RIF1: variants seen among roughly 807,000 people sequenced by gnomAD.
The protein encoded by RIF1 is telomere-associated protein RIF1.
In RIF1, 45 loss-of-function variants were observed where a neutral mutation model predicts 247.1. The ratio of observed to expected loss-of-function variants is 0.18; its 90% CI spans 0.14 to 0.23. RIF1 has a LOEUF of 0.23. Ranked by LOEUF, RIF1 falls within the 10% of genes least tolerant of loss-of-function variation. The pLI, the probability that RIF1 is intolerant of heterozygous loss-of-function variation, is 1.00. For synonymous variants in RIF1, 1,087 were observed against 978.8 expected (o/e 1.11, Z -2.06); for missense variants, 2,967 against 2,862.5 (o/e 1.04, Z -0.83).
Position 151,440,101 on chromosome 2 carries a change from G to A in RIF1, c.1621G>A (p.Glu541Lys), listed in dbSNP as rs999037117. The change falls in exon 15 of 36, where the codon GAA (glutamate) becomes AAA (lysine). Residue 541 changes from glutamate (E) to lysine (K), a missense_variant. Transcript: ENST00000444746. ...LKSLESIVKS[E>K]VFPVSKTLVL... ...GTCTTTGGAAAGCATAGTAAAGTCT[G>A]AAGTATTTCCTGTATCAAAAACGCT... 2.5e-6 allele frequency: 4 copies of A among 1,587,862 alleles called. No homozygotes were observed. The highest frequency in any genetic ancestry group is 1.4e-5 in the African/African-American group (1 of 73,858).
chr2:151,458,468 G>C (rs1014732274), intron 24 of RIF1, among the ~76,000 whole-genome samples: 2 of 151,798 alleles, frequency 1.3e-5, no homozygotes, highest in Non-Finnish European at 1.5e-5. Flanking sequence ...TCCTGACCTC[G>C]TTATCTGCGT....
At chr2:151,429,263 C>T (rs1689635530) in intron 9 of RIF1, among the ~76,000 whole-genome samples, 1 of 152,106 alleles carries the variant, frequency 6.6e-6, no homozygotes, top group Admixed American at 6.6e-5. Flanking sequence ...TCACTGCGAC[C>T]CCCGCCTCCC....
At chr2:151,428,056 A>G (rs1689433835) in intron 8 of RIF1, among the ~76,000 whole-genome samples, 1 of 147,478 alleles carries the variant, frequency 6.8e-6, no homozygotes, top group Non-Finnish European at 1.5e-5. Flanking sequence ...ACTCCATCTC[A>G]AACAAAACAA....
Position 151,478,525 on chromosome 2 carries a change from T to C in RIF1, c.*3454T>C, listed in dbSNP as rs918755476. ...TAACATTGCCCATGGATTTTTTTTT[T>C]TCTGTACAGCTTGAAGATAAGATAG... is the stretch of plus-strand genomic sequence containing the variant. On this transcript the variant is annotated 3_prime_UTR_variant, in exon 36 of 36. Transcript: ENST00000444746. 11 of 152,118 alleles carry C rather than the reference T, an allele frequency of 7.2e-5. No homozygotes were observed. Among genetic ancestry groups the C allele is most frequent in the Non-Finnish European group, 1.5e-4 (10 of 68,038 alleles). The allele number at this position is 152,118 out of a possible 1,614,324, so 9.4% of individuals were successfully genotyped here.
chr2:151,422,652 A>C (rs1048680665), intron 7 of RIF1, among the ~76,000 whole-genome samples: 1 of 151,894 alleles, frequency 6.6e-6, no homozygotes, highest in Non-Finnish European at 1.5e-5. Context: ...GGCGTCTGCC[A>C]CCATGCCCAG....
At chr2:151,450,741 G>A (rs1210645828) in intron 20 of RIF1, among the ~76,000 whole-genome samples, 2 of 151,944 alleles carry the variant, frequency 1.3e-5, no homozygotes, top group African/African-American at 4.8e-5. Context: ...TCACCACCAC[G>A]CCTGGCTAAT....
intron 23 of RIF1, 50 bp downstream of exon 23, chr2:151,456,670 A>AT: frequency 9.4e-7 from 1 of 1,060,528 alleles, no homozygotes; most frequent in East Asian, 2.5e-5. Context: ...TGAGAAAATG[A>AT]TAGAGTTTAG....
chr2:151,415,731 G>T (rs1317323361), intron 4 of RIF1, among the ~76,000 whole-genome samples: 1 of 151,882 alleles, frequency 6.6e-6, no homozygotes, highest in Non-Finnish European at 1.5e-5. Flanking sequence ...AAAAAAATTA[G>T]CTGGGTGTGG....
At chr2:151,518,888 G>A in the RIF1 span, 2 of 894,160 alleles carry the variant, frequency 2.2e-6, no homozygotes, top group African/African-American at 3.3e-5. Flanking sequence ...CAGAGAAGAA[G>A]ATGCATCTGG....
intron 4 of RIF1, 51 bp downstream of exon 4, chr2:151,414,970 T>C: frequency 8.5e-7 from 1 of 1,182,382 alleles, no homozygotes. Context: ...AGTATAAGTT[T>C]TAAGTATAAG....
chr2:151,472,516 A>G (rs1180813748), intron 34 of RIF1, among the ~76,000 whole-genome samples: 1 of 152,156 alleles, frequency 6.6e-6, no homozygotes, highest in Non-Finnish European at 1.5e-5. Context: ...TTTGTCATAA[A>G]TAGCTCTTAT....
chr2:151,492,612 C>T (rs1344411338), intron 9 of RIF1: 28 of 619,488 alleles, frequency 4.5e-5, no homozygotes, highest in Non-Finnish European at 6.8e-5. Context: ...ACTGAAGGGG[C>T]CCAGTGAGAC....
chr2:151,469,485 C>G (rs1479330237), intron 33 of RIF1, among the ~76,000 whole-genome samples: 1 of 152,088 alleles, frequency 6.6e-6, no homozygotes, highest in African/African-American at 2.4e-5. Context: ...TGTAGAAGCA[C>G]AAGGCACGCA....
intron 12 of RIF1, chr2:151,505,851 C>T (rs936039566): frequency 1.9e-6 from 1 of 531,984 alleles, no homozygotes; most frequent in East Asian, 3.2e-5. Context: ...TGTCTTTATG[C>T]CCAGCAGGTC....
In RIF1 at chr2:151,480,147, G is replaced by T. The variant is rs535957246; in HGVS notation, c.*5076G>T. 15 of 152,238 alleles carry T rather than the reference G, an allele frequency of 9.9e-5. No individual in the cohort carries two copies. The highest frequency in any genetic ancestry group is 3.6e-4 in the African/African-American group (15 of 41,562). 9.4% of individuals were successfully genotyped at this position (152,238 alleles called of 1,614,324 possible). A position where few individuals can be genotyped will look rare whatever the true frequency, so the allele number is the denominator to read the frequency against. ...AAAACCAAATGTGTTATGGTAAGCT[G>T]TAAATACCGTTGGAATAAAAGATAA... On this transcript the variant is annotated 3_prime_UTR_variant, in exon 36 of 36. Transcript: ENST00000444746.
chr2:151,489,190 A>G (rs1408010915), intron 9 of RIF1, among the ~76,000 whole-genome samples: 4 of 152,196 alleles, frequency 2.6e-5, no homozygotes, highest in African/African-American at 9.7e-5. Context: ...TCATTTAATA[A>G]AGACAGTTGT....
intron 20 of RIF1, among the ~76,000 whole-genome samples, chr2:151,449,103 T>A (rs995371762): frequency 1.3e-5 from 2 of 152,216 alleles, no homozygotes; most frequent in African/African-American, 4.8e-5. Flanking sequence ...TTATTGTTTT[T>A]AAGCTGTTTT....
chr2:151,491,644 G>A (rs1415559085), intron 9 of RIF1: 1 of 1,437,372 alleles, frequency 7.0e-7, no homozygotes, highest in South Asian at 1.2e-5. Flanking sequence ...CATACTAAAT[G>A]GTGATGTTTA....
chr2:151,499,899 C>T (rs1465112110), intron 11 of RIF1, among the ~76,000 whole-genome samples: 1 of 152,054 alleles, frequency 6.6e-6, no homozygotes, highest in South Asian at 2.1e-4. Context: ...ATCTAATAGG[C>T]TTATGCACCA....
Sources: gnomAD v4.1 joint callset for allele counts (sites outside exome capture counted in the v4.1 genomes callset) on GRCh38, gnomAD v4.1.1 for gene constraint, MANE v1.5 for transcripts, NCBI Gene and HGNC (gene_info 2026-07-23, HGNC 2026-07-21) for gene names.